The following PIK3CD variants were observed in gnomAD, a reference collection of about 807,000 sequenced individuals.
The protein encoded by PIK3CD is phosphatidylinositol-4,5-bisphosphate 3-kinase catalytic subunit delta, also known as phosphatidylinositol 4,5-bisphosphate 3-kinase catalytic subunit delta isoform.
In PIK3CD, 20 loss-of-function variants were observed where a neutral mutation model predicts 122.9. The ratio of observed to expected loss-of-function variants is 0.16; its 90% confidence interval spans 0.11 to 0.24. PIK3CD has a LOEUF of 0.24. PIK3CD is among the 10% of genes least tolerant of loss of function. The pLI is 1.00. For synonymous variants in PIK3CD, 596 were observed against 593.4 expected, an observed-to-expected ratio of 1.00 and a Z score of -0.06; for missense variants, 787 against 1,406.3, an observed-to-expected ratio of 0.56 and a Z score of 7.04.
Position 9,722,553 on chromosome 1 carries a change from G to T in PIK3CD, c.2373G>T (p.Leu791=). Reference sequence around the variant, plus strand: ...ACCTCCGGCAGGACATGCTGACCCTGCAGATGATCCAGCTCATGGACGTCC... The same window carrying T: ...ACCTCCGGCAGGACATGCTGACCCTTCAGATGATCCAGCTCATGGACGTCC... ...GDDLRQDMLT[L]QMIQLMDVLW... Residue 791 remains leucine (L), a synonymous_variant, in exon 19 of 24, where the codon CTG becomes CTT. Coordinates refer to ENST00000377346, the MANE Select transcript of PIK3CD (RefSeq NM_005026.5). The surrounding 1 kb of genome is among the most constrained non-coding windows in gnomAD (Gnocchi z 7.6). 6.2e-7 allele frequency: 1 copy of T among 1,613,678 alleles called. No individual in the cohort carries two copies. The highest frequency in any genetic ancestry group is 8.5e-7 in the Non-Finnish European group (1 of 1,179,976).
At chr1:9,654,055 A>G in intron 1 of PIK3CD, 1 of 1,222,080 alleles carries the variant, frequency 8.2e-7, no homozygotes, top group Non-Finnish European at 1.1e-6. Flanking sequence ...TGGGTGACAG[A>G]GCAAGAGCCC....
At chr1:9,658,124 T>G (rs892119474) in intron 1 of PIK3CD, among the ~76,000 whole-genome samples, 3 of 152,112 alleles carry the variant, frequency 2.0e-5, no homozygotes, top group Non-Finnish European at 4.4e-5. Flanking sequence ...GGTTCATGCT[T>G]GTATTCCTAA....
chr1:9,727,050 C>CTCCTCCCAG lies in PIK3CD; in HGVS notation c.*5_*13dup. The CTCCTCCCAG allele has an allele frequency of 6.2e-7, 1 of 1,614,066 alleles. No homozygotes were observed. On this transcript the variant is annotated 3_prime_UTR_variant, in exon 24 of 24. Transcript: ENST00000377346. ...GTCCAAAGACAACAGGCAGTAGTGG[C>CTCCTCCCAG]TCCTCCCAGCCCTGGGCCCAAGAGG... is the stretch of plus-strand genomic sequence containing the variant.
intron 1 of PIK3CD, among the ~76,000 whole-genome samples, chr1:9,668,363 A>C (rs1645225464): frequency 6.6e-6 from 1 of 151,860 alleles, no homozygotes. Context: ...GTTTGTCTGA[A>C]GGATTAAATA....
rs141837357 is a variant in PIK3CD at position 9,692,658 on chromosome 1, A to G, written c.-33+1087A>G. On this transcript the variant is annotated intron_variant, in intron 2 of 23. Transcript: ENST00000377346. ...GGCAGGAGAATCACTTGAACCCAGG[A>G]GGCGGAGGTTGCAGTGAGCCGAGAT... 4.2e-3 allele frequency among the ~76,000 whole-genome samples: 643 copies of G among 151,644 alleles called. 5 individuals are homozygous for G. Among genetic ancestry groups the G allele is most frequent in the African/African-American group, 0.015 (602 of 41,302 alleles).
intron 1 of PIK3CD, chr1:9,662,690 TTTC>T (rs911226388): frequency 2.6e-5 from 4 of 152,078 alleles, no homozygotes; most frequent in South Asian, 2.1e-4. Flanking sequence ...TACTTTTTTC[TTTC>T]TTCTTTTTTT....
rs939283956 is a variant in PIK3CD at position 9,717,775 on chromosome 1, G to A, written c.1020+149G>A. 2.0e-5 allele frequency: 16 copies of A among 787,372 alleles called. No individual in the cohort carries two copies. The highest frequency in any genetic ancestry group is 2.3e-4 in the Middle Eastern group (1 of 4,312). The allele number at this position is 787,372 out of a possible 1,614,324, so 48.8% of individuals were successfully genotyped here. On this transcript the variant is annotated intron_variant, in intron 8 of 23. Coordinates refer to ENST00000377346, the MANE Select transcript of PIK3CD (RefSeq NM_005026.5). This position sits in a 1 kb window ranked among gnomAD's most constrained non-coding sequence, Gnocchi z 5.4. ...CATCCCTGCCTGGGGCGCTGTGAGC[G>A]GCTTGAAAACAGGAAGTGGGGAGGG...
rs531076998 is a variant in PIK3CD, at chr1:9,727,698, G to A, written c.*652G>A. ...CCCAGCCCCATAAAGGAGAATCTAC[G>A]CTGGTCCTCAGGACGTGTTAAAGAG... On this transcript the variant is annotated 3_prime_UTR_variant, in exon 24 of 24. Transcript: ENST00000377346. 2.3e-5 allele frequency: 5 copies of A among 214,928 alleles called. No individual in the cohort carries two copies. Among genetic ancestry groups the A allele is most frequent in the South Asian group, 1.7e-4 (1 of 5,832 alleles). 13.3% of individuals were successfully genotyped at this position (214,928 alleles called of 1,614,324 possible). A position where few individuals can be genotyped will look rare whatever the true frequency, so the allele number is the denominator to read the frequency against.
At chr1:9,630,925 G>C in the PIK3CD span, among the ~76,000 whole-genome samples, 1 of 152,086 alleles carries the variant, frequency 6.6e-6, no homozygotes, top group African/African-American at 2.4e-5. Context: ...GGCTGGGTTG[G>C]CTCCATTCAG....
intron 1 of PIK3CD, among the ~76,000 whole-genome samples, chr1:9,667,908 GT>G (rs745429754): frequency 0.012 from 639 of 55,182 alleles, 4 homozygotes; most frequent in African/African-American, 0.024. Context: ...GCTAATTTTT[GT>G]TTTTTTTTTT....
rs972860101 is a variant in PIK3CD at position 9,722,304 on chromosome 1, C to T, written c.2295C>T (p.Asn765=). Residue 765 remains asparagine (N), a synonymous_variant, in exon 18 of 24, where the codon AAC becomes AAT. Transcript: ENST00000377346. The surrounding 1 kb of genome is among the most constrained non-coding windows in gnomAD (Gnocchi z 7.6). ...KMKPLWIMYS[N]EEAGSGGSVG... ...AGCCCCTGTGGATCATGTACAGCAA[C>T]GAGGAGGCAGGCAGCGGCGGCAGCG... 1.3e-5 allele frequency: 21 copies of T among 1,613,690 alleles called. No homozygotes were observed. Among genetic ancestry groups the T allele is most frequent in the Middle Eastern group, 1.6e-4 (1 of 6,062 alleles).
rs553248577 is a variant in PIK3CD at position 9,722,001 on chromosome 1, C to G, written c.2082C>G (p.Ala694=). The change falls in exon 17 of 24, where the codon GCC becomes GCG. Residue 694 remains alanine, a synonymous_variant. Coordinates refer to ENST00000377346, the MANE Select transcript of PIK3CD (RefSeq NM_005026.5). The surrounding 1 kb of genome is among the most constrained non-coding windows in gnomAD (Gnocchi z 7.6). The part of the protein sequence containing the change: ...KQGEALSKLK[A]LNDFVKLSSQ... ...GGGAAGCACTGAGCAAACTGAAGGCCCTGAATGACTTCGTCAAGCTGAGCT... is the reference window on the plus strand; with the variant it reads ...GGGAAGCACTGAGCAAACTGAAGGCGCTGAATGACTTCGTCAAGCTGAGCT... 12 of 1,613,696 alleles carry G rather than the reference C, an allele frequency of 7.4e-6. No homozygotes were observed. In the East Asian group the frequency reaches 2.7e-4, roughly 36 times the overall value.
At chr1:9,695,332 G>A (rs80139081) in intron 2 of PIK3CD, among the ~76,000 whole-genome samples, 4,408 of 152,212 alleles carry the variant, frequency 0.029, 192 homozygotes, top group African/African-American at 0.098. Context: ...GGAAAAGTAT[G>A]TAGGAAACAA....
At chr1:9,726,862 A>G in intron 23 of PIK3CD, 47 bp from the exon 24 acceptor site, 1 of 1,612,768 alleles carries the variant, frequency 6.2e-7, no homozygotes, top group Non-Finnish European at 8.5e-7. Flanking sequence ...ATCCCAGAGC[A>G]AGGTCCGGGC....
intron 23 of PIK3CD, among the ~76,000 whole-genome samples, chr1:9,725,471 T>C (rs7546380): frequency 0.25 from 37,596 of 151,834 alleles, 7,759 homozygotes; most frequent in African/African-American, 0.56. Flanking sequence ...AGGAGAATCG[T>C]TTGAACCCAG....
chr1:9,683,186 C>T (rs1645832405), intron 1 of PIK3CD, among the ~76,000 whole-genome samples: 1 of 151,034 alleles, frequency 6.6e-6, no homozygotes, highest in Non-Finnish European at 1.5e-5. Flanking sequence ...TGCCTGTAAT[C>T]CCAGCACTTT....
At chr1:9,711,238 CG>C (rs1647041750) in intron 3 of PIK3CD, among the ~76,000 whole-genome samples, 1 of 151,988 alleles carries the variant, frequency 6.6e-6, no homozygotes, top group Non-Finnish European at 1.5e-5. Flanking sequence ...GGACTATAGG[CG>C]TGCACCACCA....
At chr1:9,673,922 G>A (rs1426971658) in intron 1 of PIK3CD, among the ~76,000 whole-genome samples, 2 of 152,150 alleles carry the variant, frequency 1.3e-5, no homozygotes, top group African/African-American at 2.4e-5. Context: ...GTAAACAACT[G>A]CCATCCGATT....
In PIK3CD at chr1:9,661,901, C is replaced by G. The variant is rs537037408; in HGVS notation, c.-138+10099C>G. On this transcript the variant is annotated intron_variant, in intron 1 of 23. Transcript: ENST00000377346. Reference sequence around the variant, plus strand: ...GTCCCAGCTACTTGGGAGGCTGAGGCAGGACAATGGTGTGGACCCAGGCGG... The same window carrying G: ...GTCCCAGCTACTTGGGAGGCTGAGGGAGGACAATGGTGTGGACCCAGGCGG... Among the ~76,000 whole-genome samples, 3 of 152,204 alleles carry G rather than the reference C, an allele frequency of 2.0e-5. No homozygotes were observed. The East Asian group carries it at 5.8e-4, about 29-fold the overall frequency.
Sources: allele counts gnomAD v4.1 joint callset (sites outside exome capture counted in the v4.1 genomes callset), GRCh38; gene constraint gnomAD v4.1.1; non-coding constraint Gnocchi (gnomAD v3.1); transcripts MANE v1.5; gene names NCBI Gene and HGNC (gene_info 2026-07-23, HGNC 2026-07-21).